Variants in ZBTB20 observed in about 807,000 individuals in gnomAD.
ZBTB20 encodes the protein zinc finger and BTB domain containing 20, also known as zinc finger and BTB domain-containing protein 20.
ZBTB20 carries 9 observed loss-of-function variants against 56.9 expected under a neutral mutation model. The observed-to-expected ratio is 0.16, with a 90% CI of 0.10 to 0.28. ZBTB20 has a LOEUF of 0.28. ZBTB20 is among the 10% of genes least tolerant of loss of function. ZBTB20 has a pLI of 1.00. For missense variants in ZBTB20, 655 were observed against 1,003.0 expected (o/e 0.65, Z 4.69); for synonymous variants, 417 against 420.7 (o/e 0.99, Z 0.11).
At chr3:114,687,899 C>G (rs2062442879) in intron 6 of ZBTB20, 1 of 152,076 alleles carries the variant, frequency 6.6e-6, no homozygotes, top group Non-Finnish European at 1.5e-5. Flanking sequence ...CCTTTGGCTC[C>G]AGATCCTTAT....
chr3:114,559,401 A>G (rs2110266028), intron 6 of ZBTB20, among the ~76,000 whole-genome samples: 1 of 152,290 alleles, frequency 6.6e-6, no homozygotes, highest in Non-Finnish European at 1.5e-5. Context: ...TACGTATTGC[A>G]CAATTCTGGT....
intron 7 of ZBTB20, among the ~76,000 whole-genome samples, chr3:114,429,434 C>T (rs1385892974): frequency 1.3e-5 from 2 of 152,094 alleles, no homozygotes; most frequent in African/African-American, 2.4e-5. Flanking sequence ...TTCAGCTATT[C>T]GGTGCATTTG....
intron 1 of ZBTB20, among the ~76,000 whole-genome samples, chr3:115,084,801 G>T (rs1280585971): frequency 6.6e-6 from 1 of 151,956 alleles, no homozygotes; most frequent in Non-Finnish European, 1.5e-5. Flanking sequence ...TTGAGACTTA[G>T]AACCCACCTT....
At chr3:114,516,393 A>G (rs1340915004) in intron 6 of ZBTB20, among the ~76,000 whole-genome samples, 1 of 152,196 alleles carries the variant, frequency 6.6e-6, no homozygotes, top group African/African-American at 2.4e-5. Context: ...TTGGTATAAC[A>G]CAGTAAATGC....
intron 4 of ZBTB20, among the ~76,000 whole-genome samples, chr3:114,831,125 G>T: frequency 2.1e-5 from 2 of 96,844 alleles, no homozygotes; most frequent in Admixed American, 1.4e-4. Context: ...AGTATCCAGT[G>T]CCTCCAACCT....
At chr3:115,038,108 A>G (rs2081001930) in intron 2 of ZBTB20, among the ~76,000 whole-genome samples, 1 of 152,224 alleles carries the variant, frequency 6.6e-6, no homozygotes, top group African/African-American at 2.4e-5. Flanking sequence ...AAGAAATAAC[A>G]GCTTTTCCGG....
intron 1 of ZBTB20, among the ~76,000 whole-genome samples, chr3:115,072,377 C>A (rs2082441078): frequency 1.3e-5 from 2 of 152,114 alleles, no homozygotes; most frequent in Admixed American, 1.3e-4. Flanking sequence ...ACTTTGAGGT[C>A]TCAGTGATGT....
chr3:114,709,351 A>C (rs2108428692), intron 5 of ZBTB20, among the ~76,000 whole-genome samples: 2 of 152,180 alleles, frequency 1.3e-5, no homozygotes, highest in South Asian at 4.2e-4. Context: ...TGTGCAAGAG[A>C]CCACAAATAG....
intron 6 of ZBTB20, among the ~76,000 whole-genome samples, chr3:114,674,891 G>A (rs1345518863): frequency 4.0e-5 from 6 of 151,528 alleles, no homozygotes; most frequent in East Asian, 3.9e-4. Flanking sequence ...AAAAATATGG[G>A]TGTTCTGGTA....
At chr3:115,013,186 A>G (rs2079794836) in intron 2 of ZBTB20, among the ~76,000 whole-genome samples, 1 of 151,730 alleles carries the variant, frequency 6.6e-6, no homozygotes, top group Admixed American at 6.6e-5. Flanking sequence ...TCAAACACAA[A>G]ATTAGTGGAA....
Position 115,087,972 on chromosome 3 carries a change from A to G in ZBTB20, c.-702-16558T>C, listed in dbSNP as rs571412727. Among the ~76,000 whole-genome samples, 4 of 151,914 alleles carry G rather than the reference A, an allele frequency of 2.6e-5. No individual in the cohort carries two copies. In the South Asian group the frequency reaches 8.3e-4, roughly 31 times the overall value. On this transcript the variant is annotated intron_variant, in intron 1 of 11. Coordinates refer to ENST00000675478, the MANE Select transcript of ZBTB20 (RefSeq NM_001348800.3). Reference sequence around the variant, plus strand: ...GTGTTAAAGTGCTTATTTGGCCCCAAATGGTTCATTGTTGGGATACCACCT... The same window carrying G: ...GTGTTAAAGTGCTTATTTGGCCCCAGATGGTTCATTGTTGGGATACCACCT...
intron 3 of ZBTB20, among the ~76,000 whole-genome samples, chr3:114,963,837 A>G (rs1401359939): frequency 2.6e-5 from 4 of 152,164 alleles, no homozygotes; most frequent in Non-Finnish European, 4.4e-5. Flanking sequence ...TACTGAAACT[A>G]TAAAAATAAG....
In ZBTB20 at chr3:114,569,134, TTTA is replaced by T. The variant is rs2053134008; in HGVS notation, c.-294-68746_-294-68744del. 1.3e-5 allele frequency among the ~76,000 whole-genome samples: 2 copies of T among 152,236 alleles called. 1 individual carries two copies. Among genetic ancestry groups the T allele is most frequent in the Non-Finnish European group, 2.9e-5 (2 of 68,046 alleles). On this transcript the variant is annotated intron_variant, in intron 6 of 11. Coordinates refer to ENST00000675478, the MANE Select transcript of ZBTB20 (RefSeq NM_001348800.3). The stretch of plus-strand genomic sequence containing the variant: ...AATGGTTAATAATAATTTAATAAAG[TTTA>T]TTTCTTGATGAAAACATTGATTTTA...
intron 4 of ZBTB20, among the ~76,000 whole-genome samples, chr3:114,803,095 C>CT (rs1192330994): frequency 6.7e-6 from 1 of 150,272 alleles, no homozygotes; most frequent in African/African-American, 2.4e-5. Context: ...CTGCTTGTTT[C>CT]TTCTCCACTT....
At chr3:115,146,494 A>G (rs997572516) in intron 1 of ZBTB20, among the ~76,000 whole-genome samples, 7 of 152,166 alleles carry the variant, frequency 4.6e-5, no homozygotes, top group Non-Finnish European at 1.0e-4. Flanking sequence ...ATCAGGAATC[A>G]AAAAGTGTTA....
At chr3:115,094,877 G>A (rs906215369) in intron 1 of ZBTB20, among the ~76,000 whole-genome samples, 12 of 151,822 alleles carry the variant, frequency 7.9e-5, no homozygotes, top group East Asian at 5.8e-4. Flanking sequence ...TATAAGATTC[G>A]TAATTATTAC....
chr3:114,888,562 T>G (rs1397167849), intron 4 of ZBTB20, among the ~76,000 whole-genome samples: 1 of 152,200 alleles, frequency 6.6e-6, no homozygotes, highest in African/African-American at 2.4e-5. Context: ...AAGAACTTGA[T>G]TCAGAGAGTA....
chr3:114,718,997 A>G (rs1053491220), intron 5 of ZBTB20, among the ~76,000 whole-genome samples: 5 of 151,952 alleles, frequency 3.3e-5, no homozygotes, highest in African/African-American at 1.2e-4. Flanking sequence ...CTGATTATCA[A>G]CTAACAATTT....
chr3:114,388,236 T>C (rs1396613436), intron 8 of ZBTB20: 2 of 152,240 alleles, frequency 1.3e-5, no homozygotes, highest in African/African-American at 4.8e-5. Context: ...GCAGAACTTC[T>C]AAATAATTCA....
Sources: allele counts gnomAD v4.1 joint callset (sites outside exome capture counted in the v4.1 genomes callset), GRCh38; gene constraint gnomAD v4.1.1; transcripts MANE v1.5; gene names NCBI Gene and HGNC (gene_info 2026-07-23, HGNC 2026-07-21).